The following TMPRSS4 variants were observed in gnomAD, a reference collection of about 807,000 sequenced individuals.
The protein encoded by TMPRSS4 is transmembrane protease serine 4.
In TMPRSS4, 45 loss-of-function variants were observed where a neutral mutation model predicts 56.4. The observed-to-expected ratio is 0.80, with a 90% CI of 0.63 to 1.02. TMPRSS4 has a LOEUF of 1.02. Among genes scored for constraint, TMPRSS4 ranks in the 50% least tolerant of loss-of-function variants. The pLI, the probability that TMPRSS4 is intolerant of heterozygous loss-of-function variation, is 0.00. For synonymous variants in TMPRSS4, 205 were observed against 211.0 expected (o/e 0.97, Z 0.25); for missense variants, 546 against 556.7 (o/e 0.98, Z 0.19).
chr11:118,090,639 G>A (rs553385854), intron 1 of TMPRSS4, among the ~76,000 whole-genome samples: 10 of 149,388 alleles, frequency 6.7e-5, no homozygotes, highest in African/African-American at 9.8e-5. Context: ...ATAGCTGGGC[G>A]TGATGGTGCA....
chr11:118,125,047 C>T (rs1344107822), downstream of TMPRSS4, among the ~76,000 whole-genome samples: 1 of 152,228 alleles, frequency 6.6e-6, no homozygotes. Flanking sequence ...TCTTCCCCTG[C>T]CCTGGGCCAG....
At chr11:118,084,074 C>T (rs1454464082) in intron 1 of TMPRSS4, among the ~76,000 whole-genome samples, 1 of 152,110 alleles carries the variant, frequency 6.6e-6, no homozygotes, top group Admixed American at 6.6e-5. Context: ...GTACTCTTAC[C>T]GTGCACCAGG....
In TMPRSS4 at chr11:118,104,558, T is replaced by C. The variant is rs909721295; in HGVS notation, c.311-133T>C. The C allele has an allele frequency of 1.5e-4, 210 of 1,389,374 alleles. No homozygotes were observed. In the African/African-American group the frequency reaches 2.8e-3, roughly 18 times the overall value. 86.1% of individuals were successfully genotyped at this position (1,389,374 alleles called of 1,614,324 possible). On this transcript the variant is annotated intron_variant, in intron 4 of 12. Transcript: ENST00000437212. The stretch of plus-strand genomic sequence containing the variant: ...CCAAATGGAAGAAATTCCCTTGACA[T>C]TGAAAGTGTTGGGGCTCTGTGGCAC...
chr11:118,109,455 G>C (rs1157200394), intron 7 of TMPRSS4, among the ~76,000 whole-genome samples: 1 of 152,228 alleles, frequency 6.6e-6, no homozygotes, highest in Non-Finnish European at 1.5e-5. Flanking sequence ...CTGAGTAGCA[G>C]TCACAGTTGA....
chr11:118,081,648 G>A (rs1029087589), intron 1 of TMPRSS4, among the ~76,000 whole-genome samples: 2 of 152,252 alleles, frequency 1.3e-5, no homozygotes, highest in Admixed American at 6.5e-5. Flanking sequence ...GTCACAAAAT[G>A]TCCTGCACAT....
At chr11:118,096,941 A>AG (rs1591374496) in intron 2 of TMPRSS4, among the ~76,000 whole-genome samples, 1 of 104,848 alleles carries the variant, frequency 9.5e-6, no homozygotes, top group Non-Finnish European at 2.2e-5. Context: ...AGAAAGAGAA[A>AG]GAAAGAAAGG....
chr11:118,089,208 C>A (rs1172634821), intron 1 of TMPRSS4, among the ~76,000 whole-genome samples: 1 of 152,282 alleles, frequency 6.6e-6, no homozygotes, highest in Non-Finnish European at 1.5e-5. Flanking sequence ...TCTGCAGCTC[C>A]TCTTCCAAAG....
chr11:118,085,907 T>C (rs1034147687), intron 1 of TMPRSS4, among the ~76,000 whole-genome samples: 1 of 152,066 alleles, frequency 6.6e-6, no homozygotes, highest in Non-Finnish European at 1.5e-5. Flanking sequence ...CTGAGCAAAG[T>C]AGAGCTGTTG....
intron 1 of TMPRSS4, among the ~76,000 whole-genome samples, chr11:118,084,709 C>T (rs796935710): frequency 1.6e-4 from 24 of 152,360 alleles, no homozygotes; most frequent in African/African-American, 5.1e-4. Flanking sequence ...CTAAACTCCT[C>T]TATGTTTCAA....
At position 118,115,128 on chromosome 11, in the gene TMPRSS4, A is replaced by T; in HGVS notation, c.1010-10A>T. On this transcript the variant is annotated splice_polypyrimidine_tract_variant and intron_variant, in intron 10 of 12. Coordinates refer to ENST00000437212, the MANE Select transcript of TMPRSS4 (RefSeq NM_019894.4). ...CAAGGATGGGAATGTGAGTGTTTTTACCCTCCCAGGGAAGATGTCTGACAT... is the reference window on the plus strand; with the variant it reads ...CAAGGATGGGAATGTGAGTGTTTTTTCCCTCCCAGGGAAGATGTCTGACAT... 5 of 1,607,106 alleles carry T rather than the reference A, an allele frequency of 3.1e-6. No homozygotes were observed. The highest frequency in any genetic ancestry group is 1.7e-4 in the Middle Eastern group (1 of 6,058).
chr11:118,108,016 A>G (rs1947086335), intron 6 of TMPRSS4, 141 bp downstream of exon 6: 1 of 643,998 alleles, frequency 1.6e-6, no homozygotes, highest in African/African-American at 1.8e-5. Flanking sequence ...CAGATGGATC[A>G]TTCAATGCCA....
At chr11:118,095,454 C>T (rs1946232603) in intron 2 of TMPRSS4, 1 of 153,360 alleles carries the variant, frequency 6.5e-6, no homozygotes, top group Non-Finnish European at 1.5e-5. Context: ...ATGGCCAATC[C>T]TGCTTGACGG....
intron 6 of TMPRSS4, 26 bp downstream of exon 6, chr11:118,107,901 T>C (rs1484191163): frequency 1.3e-6 from 2 of 1,589,692 alleles, no homozygotes; most frequent in Non-Finnish European, 8.6e-7. Context: ...CCTTCTGGCC[T>C]ACAGAAGGCC....
rs1944722942 is a variant in TMPRSS4, at chr11:118,077,187, C to A, written c.-116C>A. ...CGGGCCTCCTCCAGCCAGTGCTGAC[C>A]AGGGACTTCTGACCTGCTGGCCAGC... On this transcript the variant is annotated 5_prime_UTR_variant, in exon 1 of 13. Transcript: ENST00000437212. The A allele has an allele frequency of 2.5e-5, 35 of 1,382,030 alleles. 1 individual carries two copies. The South Asian group carries it at 3.7e-4, about 15-fold the overall frequency. 85.6% of individuals were successfully genotyped at this position (1,382,030 alleles called of 1,614,324 possible). A position where few individuals can be genotyped will look rare whatever the true frequency, so the allele number is the denominator to read the frequency against.
At chr11:118,100,580 A>C (rs1946683240) in intron 3 of TMPRSS4, among the ~76,000 whole-genome samples, 1 of 152,160 alleles carries the variant, frequency 6.6e-6, no homozygotes, top group South Asian at 2.1e-4. Context: ...CCCCACTAAA[A>C]GCCCTGGGAG....
chr11:118,094,136 C>T (rs1478697593), intron 1 of TMPRSS4, among the ~76,000 whole-genome samples: 1 of 152,186 alleles, frequency 6.6e-6, no homozygotes, highest in African/African-American at 2.4e-5. Flanking sequence ...GTACTCATTT[C>T]TCTTGGCTCT....
intron 7 of TMPRSS4, among the ~76,000 whole-genome samples, chr11:118,111,037 T>C (rs1174795039): frequency 1.3e-5 from 2 of 152,210 alleles, no homozygotes; most frequent in Non-Finnish European, 2.9e-5. Flanking sequence ...CAAGGTGGCA[T>C]GAAGAAAGCA....
chr11:118,080,743 C>G (rs984007497), intron 1 of TMPRSS4, among the ~76,000 whole-genome samples: 12 of 152,158 alleles, frequency 7.9e-5, no homozygotes, highest in African/African-American at 2.9e-4. Context: ...AGCTGGGGAA[C>G]TGCCGACAAG....
chr11:118,107,971 G>C, intron 6 of TMPRSS4, 96 bp downstream of exon 6: 1 of 951,624 alleles, frequency 1.1e-6, no homozygotes, highest in Admixed American at 2.0e-5. Flanking sequence ...AAGCAGCCAG[G>C]GGAATGTAAG....
Sources: allele counts gnomAD v4.1 joint callset (sites outside exome capture counted in the v4.1 genomes callset), GRCh38; gene constraint gnomAD v4.1.1; transcripts MANE v1.5; gene names NCBI Gene and HGNC (gene_info 2026-07-23, HGNC 2026-07-21).